KCNJ12: variants seen among roughly 807,000 people sequenced by gnomAD.
KCNJ12 encodes the protein ATP-sensitive inward rectifier potassium channel 12.
KCNJ12 carries 2 observed loss-of-function variants against 22.3 expected under a neutral mutation model. That is an observed-to-expected ratio of 0.09 (90% CI 0.04 to 0.28). KCNJ12 has a LOEUF of 0.28. KCNJ12 is among the 10% of genes least tolerant of loss of function. The probability of loss-of-function intolerance (pLI) is 1.00; values close to 1 mark genes in which losing one functional copy is unlikely to be tolerated. For missense variants in KCNJ12, 155 were observed against 633.3 expected (o/e 0.24, Z 8.11); for synonymous variants, 117 against 261.4 (o/e 0.45, Z 5.33).
chr17:21,399,849 CCA>C (rs2142060717), intron 1 of KCNJ12, among the ~76,000 whole-genome samples: 1 of 152,214 alleles, frequency 6.6e-6, no homozygotes, highest in East Asian at 1.9e-4. Context: ...TATCCGAGCC[CCA>C]GTTTCTTGCC....
intron 2 of KCNJ12, among the ~76,000 whole-genome samples, chr17:21,412,226 A>C (rs1344664248): frequency 6.6e-6 from 1 of 152,268 alleles, no homozygotes; most frequent in Non-Finnish European, 1.5e-5. Flanking sequence ...AAAACCACGC[A>C]GAGAGGAACG....
intron 2 of KCNJ12, among the ~76,000 whole-genome samples, chr17:21,411,240 C>T (rs1205108045): frequency 6.6e-6 from 1 of 152,312 alleles, no homozygotes; most frequent in African/African-American, 2.4e-5. Context: ...GGACCCCACC[C>T]TTAGGTCACG....
chr17:21,417,552 T>A lies in KCNJ12; in HGVS notation c.*908T>A, dbSNP rs1906920358. 1 of 167,198 alleles carries A rather than the reference T, an allele frequency of 6.0e-6. No homozygotes were observed. 10.4% of individuals were successfully genotyped at this position (167,198 alleles called of 1,614,324 possible). ...TCCAGGCCTCCGCCCAATTCCACAG[T>A]GAGGGGTGGTTAGGAGCTATAGGCC... On this transcript the variant is annotated 3_prime_UTR_variant, in exon 3 of 3. Coordinates refer to ENST00000583088, the MANE Select transcript of KCNJ12 (RefSeq NM_021012.5).
At chr17:21,389,195 C>T (rs1555559040) in intron 1 of KCNJ12, among the ~76,000 whole-genome samples, 3 of 152,144 alleles carry the variant, frequency 2.0e-5, no homozygotes, top group African/African-American at 4.8e-5. Context: ...AAATGGAGGC[C>T]GGGAGAAGGG....
intron 1 of KCNJ12, among the ~76,000 whole-genome samples, chr17:21,379,513 A>G (rs1369193585): frequency 2.0e-5 from 3 of 151,992 alleles, no homozygotes; most frequent in Admixed American, 1.3e-4. Flanking sequence ...ACATGGGTAC[A>G]CCTGCCCCTC....
At chr17:21,384,941 T>A (rs963067748) in intron 1 of KCNJ12, among the ~76,000 whole-genome samples, 34 of 151,538 alleles carry the variant, frequency 2.2e-4, no homozygotes, top group Non-Finnish European at 4.0e-4. Flanking sequence ...CCCGGCTAAT[T>A]TTTTTTTGTA....
chr17:21,394,511 A>AG (rs1339764117), intron 1 of KCNJ12, among the ~76,000 whole-genome samples: 6 of 152,224 alleles, frequency 3.9e-5, no homozygotes, highest in Non-Finnish European at 8.8e-5. Context: ...TATGGTACTC[A>AG]GGGGCTAAGT....
intron 1 of KCNJ12, among the ~76,000 whole-genome samples, chr17:21,407,740 C>T (rs1335028094): frequency 6.6e-6 from 1 of 152,352 alleles, no homozygotes; most frequent in Non-Finnish European, 1.5e-5. Context: ...TCCAACCATC[C>T]ATCCATCCAT....
intron 1 of KCNJ12, among the ~76,000 whole-genome samples, chr17:21,390,050 C>T (rs1360424398): frequency 6.6e-6 from 1 of 152,176 alleles, no homozygotes; most frequent in Non-Finnish European, 1.5e-5. Context: ...TCCCAGGCCC[C>T]CACTCCTGCC....
intron 2 of KCNJ12, among the ~76,000 whole-genome samples, chr17:21,409,148 G>T (rs1263949157): frequency 6.6e-6 from 1 of 152,428 alleles, no homozygotes; most frequent in Admixed American, 6.5e-5. Flanking sequence ...GATGGGGCCT[G>T]GGCAAGATCA....
intron 1 of KCNJ12, among the ~76,000 whole-genome samples, chr17:21,408,286 C>T (rs1428660699): frequency 3.9e-5 from 6 of 152,362 alleles, no homozygotes; most frequent in East Asian, 3.9e-4. Flanking sequence ...TAATTGTCAG[C>T]GGTCATTTTT....
intron 1 of KCNJ12, among the ~76,000 whole-genome samples, chr17:21,385,416 G>A (rs1354522151): frequency 6.6e-6 from 1 of 152,206 alleles, no homozygotes; most frequent in Admixed American, 6.5e-5. Flanking sequence ...AGACAGGGCA[G>A]CTTCCTGGCC....
intron 1 of KCNJ12, among the ~76,000 whole-genome samples, chr17:21,390,116 C>A (rs1905172855): frequency 6.6e-6 from 1 of 152,166 alleles, no homozygotes; most frequent in African/African-American, 2.4e-5. Context: ...AGGGTAACCA[C>A]CTCTTTCACT....
intron 1 of KCNJ12, among the ~76,000 whole-genome samples, chr17:21,401,137 C>A (rs1437577541): frequency 6.6e-6 from 1 of 152,290 alleles, no homozygotes; most frequent in East Asian, 1.9e-4. Context: ...GACTGCAAAG[C>A]CTGCCCCTGC....
intron 1 of KCNJ12, among the ~76,000 whole-genome samples, chr17:21,378,317 T>A (rs1555557517): frequency 6.6e-6 from 1 of 152,170 alleles, no homozygotes; most frequent in Non-Finnish European, 1.5e-5. Context: ...AGGCTTTCGC[T>A]CTTTTTGAGG....
At chr17:21,412,978 G>A (rs1422740496) in intron 2 of KCNJ12, among the ~76,000 whole-genome samples, 1 of 150,568 alleles carries the variant, frequency 6.6e-6, no homozygotes. Flanking sequence ...CCAGGACCCC[G>A]CCTGCTCTCC....
rs1238525556 is a variant in KCNJ12 at position 21,403,377 on chromosome 17, C to G, written c.-178-5142C>G. 4.4e-4 allele frequency among the ~76,000 whole-genome samples: 67 copies of G among 152,348 alleles called. No individual in the cohort carries two copies. The East Asian group carries it at 0.012, about 28-fold the overall frequency. On this transcript the variant is annotated intron_variant, in intron 1 of 2. Transcript: ENST00000583088. The stretch of plus-strand genomic sequence containing the variant: ...TTATTTTACTTACGATTGGTTTTGA[C>G]AACATCATACATATTTTTATGTTGG...
intron 1 of KCNJ12, among the ~76,000 whole-genome samples, chr17:21,395,695 T>G (rs1905339405): frequency 1.3e-5 from 2 of 151,702 alleles, no homozygotes; most frequent in African/African-American, 4.9e-5. Flanking sequence ...CTTTATGAAG[T>G]CATTAATCCT....
chr17:21,405,669 C>G (rs1303607126), intron 1 of KCNJ12, among the ~76,000 whole-genome samples: 1 of 152,304 alleles, frequency 6.6e-6, no homozygotes, highest in Non-Finnish European at 1.5e-5. Context: ...GGCCCTCAGT[C>G]GTGGTCATGG....
Sources: allele counts gnomAD v4.1 joint callset (sites outside exome capture counted in the v4.1 genomes callset), GRCh38; gene constraint gnomAD v4.1.1; transcripts MANE v1.5; gene names NCBI Gene and HGNC (gene_info 2026-07-23, HGNC 2026-07-21).